The following FMNL2 variants were observed in gnomAD, a reference collection of about 807,000 sequenced individuals.
The protein encoded by FMNL2 is formin-like protein 2.
FMNL2 carries 51 observed loss-of-function variants against 130.2 expected under a neutral mutation model. The ratio of observed to expected loss-of-function variants is 0.39; its 90% CI spans 0.31 to 0.49. FMNL2 has a LOEUF of 0.49. Among genes scored for constraint, FMNL2 ranks in the 20% least tolerant of loss-of-function variants. The pLI is 0.85. For missense variants in FMNL2, 977 were observed against 1,316.2 expected (o/e 0.74, Z 3.99); for synonymous variants, 465 against 467.1 (o/e 1.00, Z 0.06).
intron 1 of FMNL2, among the ~76,000 whole-genome samples, chr2:152,461,905 T>A (rs1168493144): frequency 2.0e-5 from 3 of 152,044 alleles, no homozygotes; most frequent in Admixed American, 6.6e-5. Context: ...TTTTTCTTTT[T>A]AATTTTTTTG....
chr2:152,343,266 GT>G (rs1388228467), intron 1 of FMNL2, among the ~76,000 whole-genome samples: 2 of 151,956 alleles, frequency 1.3e-5, no homozygotes, highest in Non-Finnish European at 2.9e-5. Context: ...CCATGGCTTG[GT>G]TTTGGGAATG....
At chr2:152,418,393 G>A (rs972570297) in intron 1 of FMNL2, among the ~76,000 whole-genome samples, 10 of 152,070 alleles carry the variant, frequency 6.6e-5, no homozygotes, top group South Asian at 4.2e-4. Context: ...GATCTTCACC[G>A]TCTGTGTCCA....
At chr2:152,490,207 G>T (rs1424066529) in intron 1 of FMNL2, among the ~76,000 whole-genome samples, 1 of 151,774 alleles carries the variant, frequency 6.6e-6, no homozygotes, top group Non-Finnish European at 1.5e-5. Context: ...AGGGAATTGG[G>T]TGCATAGAAG....
intron 15 of FMNL2, among the ~76,000 whole-genome samples, chr2:152,623,335 G>A (rs960106717): frequency 1.3e-5 from 2 of 152,178 alleles, no homozygotes; most frequent in Non-Finnish European, 2.9e-5. Flanking sequence ...CTGTTCCTTT[G>A]TCCCATCGAG....
At chr2:152,580,631 G>A (rs1275784689) in intron 8 of FMNL2, among the ~76,000 whole-genome samples, 4 of 151,946 alleles carry the variant, frequency 2.6e-5, no homozygotes, top group Non-Finnish European at 5.9e-5. Flanking sequence ...TTTGTTTTTA[G>A]CGTACCAGTA....
chr2:152,648,206 C>T lies in FMNL2; in HGVS notation c.*301C>T, dbSNP rs1332678147. On this transcript the variant is annotated 3_prime_UTR_variant, in exon 26 of 26. Transcript: ENST00000288670. ...GTAAAGTTCTTATTAAACTCATTAC[C>T]TGCCATTGTGATTGTCCCATCATGG... 1 of 281,830 alleles carries T rather than the reference C, an allele frequency of 3.5e-6. No individual in the cohort carries two copies. The highest frequency in any genetic ancestry group is 6.6e-6 in the Non-Finnish European group (1 of 150,968). The allele number at this position is 281,830 out of a possible 1,614,324, so 17.5% of individuals were successfully genotyped here. A position where few individuals can be genotyped will look rare whatever the true frequency, so the allele number is the denominator to read the frequency against.
chr2:152,493,613 T>C (rs1691336207), intron 1 of FMNL2, among the ~76,000 whole-genome samples: 1 of 152,068 alleles, frequency 6.6e-6, no homozygotes, highest in Non-Finnish European at 1.5e-5. Context: ...AATGAGTGAG[T>C]TCTAGCCCTA....
At chr2:152,390,754 A>G (rs12476186) in intron 1 of FMNL2, 539,380 of 637,238 alleles carry the variant, frequency 0.85, 229,077 homozygotes, top group East Asian at 0.94. Context: ...ACTGGCCTAG[A>G]CACACGGATC....
At chr2:152,424,605 G>A (rs1477511886) in intron 1 of FMNL2, among the ~76,000 whole-genome samples, 1 of 151,998 alleles carries the variant, frequency 6.6e-6, no homozygotes, top group African/African-American at 2.4e-5. Flanking sequence ...TGGCCAGGCT[G>A]GTCTCGAACT....
chr2:152,648,412 G>A lies in FMNL2; in HGVS notation c.*507G>A, dbSNP rs575668394. On this transcript the variant is annotated 3_prime_UTR_variant, in exon 26 of 26. Coordinates refer to ENST00000288670, the MANE Select transcript of FMNL2 (RefSeq NM_052905.4). Reference sequence around the variant, plus strand: ...TTGTCTATAACCAGGCCCTGGCAAAGTGCAAACAGGATGCAACTGCAGTGG... The same window carrying A: ...TTGTCTATAACCAGGCCCTGGCAAAATGCAAACAGGATGCAACTGCAGTGG... The A allele has an allele frequency of 6.5e-6, 1 of 154,584 alleles. No homozygotes were observed. The highest frequency in any genetic ancestry group is 1.4e-5 in the Non-Finnish European group (1 of 69,406). The allele number at this position is 154,584 out of a possible 1,614,324, so 9.6% of individuals were successfully genotyped here. A position where few individuals can be genotyped will look rare whatever the true frequency, so the allele number is the denominator to read the frequency against.
intron 2 of FMNL2, among the ~76,000 whole-genome samples, chr2:152,535,746 C>T (rs902054786): frequency 1.6e-4 from 25 of 152,226 alleles, no homozygotes; most frequent in Non-Finnish European, 1.2e-4. Flanking sequence ...CCAGCTGGCA[C>T]TAGCTTCCTC....
In FMNL2 at chr2:152,412,444, TTTTATATATATA is replaced by T. The variant is rs1320383348; in HGVS notation, c.117+76726_117+76737del. Among the ~76,000 whole-genome samples, 115 of 103,360 alleles carry T rather than the reference TTTTATATATATA, an allele frequency of 1.1e-3. 6 individuals are homozygous for T. Among genetic ancestry groups the T allele is most frequent in the East Asian group, 3.8e-3 (11 of 2,874 alleles). The allele number at this position is 103,360 out of a possible 152,430, so 67.8% of individuals were successfully genotyped here. A position where few individuals can be genotyped will look rare whatever the true frequency, so the allele number is the denominator to read the frequency against. On this transcript the variant is annotated intron_variant, in intron 1 of 25. Transcript: ENST00000288670. ...ATTTCCTCTTACTTTCTTCTGTATA[TTTTATATATATA>T]TATATATATATATATATATATATAT...
At chr2:152,418,378 G>GCAA (rs1686729634) in intron 1 of FMNL2, among the ~76,000 whole-genome samples, 3 of 152,116 alleles carry the variant, frequency 2.0e-5, no homozygotes, top group Non-Finnish European at 4.4e-5. Context: ...TGTTGGTGGT[G>GCAA]CAATGATCTT....
chr2:152,414,073 A>G (rs945693566), intron 1 of FMNL2, among the ~76,000 whole-genome samples: 1 of 152,030 alleles, frequency 6.6e-6, no homozygotes, highest in Non-Finnish European at 1.5e-5. Context: ...GCTGTCTTAC[A>G]GTTTGTTTTC....
At chr2:152,393,909 G>T (rs1229203749) in intron 1 of FMNL2, among the ~76,000 whole-genome samples, 1 of 152,206 alleles carries the variant, frequency 6.6e-6, no homozygotes, top group Non-Finnish European at 1.5e-5. Context: ...GTATTATATA[G>T]TTTTTTATAT....
chr2:152,505,645 T>C (rs1333113880), intron 1 of FMNL2, among the ~76,000 whole-genome samples: 1 of 152,248 alleles, frequency 6.6e-6, no homozygotes, highest in African/African-American at 2.4e-5. Flanking sequence ...TGATTCACTG[T>C]CTACCCATTG....
intron 1 of FMNL2, among the ~76,000 whole-genome samples, chr2:152,381,971 G>A (rs1684496391): frequency 6.6e-6 from 1 of 151,984 alleles, no homozygotes; most frequent in South Asian, 2.1e-4. Flanking sequence ...GCTAATTTTT[G>A]TATTTTTTGT....
At chr2:152,374,509 G>A (rs180804483) in intron 1 of FMNL2, among the ~76,000 whole-genome samples, 123 of 152,192 alleles carry the variant, frequency 8.1e-4, no homozygotes, top group African/African-American at 2.8e-3. Flanking sequence ...GAACCAGTGG[G>A]TTATTTCAGT....
At chr2:152,553,883 A>C (rs1278628185) in intron 4 of FMNL2, among the ~76,000 whole-genome samples, 1 of 152,208 alleles carries the variant, frequency 6.6e-6, no homozygotes, top group South Asian at 2.1e-4. Context: ...GTTGGCAGCT[A>C]GATTCTCCTG....
Sources: gnomAD v4.1 joint callset for allele counts (sites outside exome capture counted in the v4.1 genomes callset) on GRCh38, gnomAD v4.1.1 for gene constraint, MANE v1.5 for transcripts, NCBI Gene and HGNC (gene_info 2026-07-23, HGNC 2026-07-21) for gene names.